Variants in ZNF521 observed in about 807,000 individuals in gnomAD.
The protein encoded by ZNF521 is zinc finger protein 521, also known as LYST-interacting protein 3.
ZNF521 carries 14 observed loss-of-function variants against 105.5 expected under a neutral mutation model. That is an observed-to-expected ratio of 0.13 (90% confidence interval 0.09 to 0.21). ZNF521 has a LOEUF of 0.21. ZNF521 is among the 10% of genes least tolerant of loss of function. ZNF521 has a pLI of 1.00. For missense variants in ZNF521, 1,233 were observed against 1,629.7 expected, an observed-to-expected ratio of 0.76 and a Z score of 4.19; for synonymous variants, 635 against 606.0, an observed-to-expected ratio of 1.05 and a Z score of -0.70.
At chr18:25,287,847 G>A (rs577512079) in intron 3 of ZNF521, among the ~76,000 whole-genome samples, 50 of 152,228 alleles carry the variant, frequency 3.3e-4, no homozygotes, top group African/African-American at 1.1e-3. Context: ...CTTCAGATTC[G>A]CAGATAAGTA....
At chr18:25,253,662 T>C (rs1372153279) in intron 3 of ZNF521, among the ~76,000 whole-genome samples, 1 of 152,160 alleles carries the variant, frequency 6.6e-6, no homozygotes, top group Non-Finnish European at 1.5e-5. Flanking sequence ...TTTGCTGATA[T>C]ACAATGGAGC....
intron 6 of ZNF521, among the ~76,000 whole-genome samples, chr18:25,091,259 T>G (rs1004597823): frequency 6.6e-6 from 1 of 152,172 alleles, no homozygotes; most frequent in African/African-American, 2.4e-5. Flanking sequence ...ACTTTGTCAT[T>G]GTTAGGGGAA....
chr18:25,248,433 A>G (rs1907878664), intron 3 of ZNF521, among the ~76,000 whole-genome samples: 1 of 152,222 alleles, frequency 6.6e-6, no homozygotes, highest in African/African-American at 2.4e-5. Flanking sequence ...CTGAATGTAT[A>G]TTATGATGTT....
chr18:25,283,162 G>A (rs1198800409), intron 3 of ZNF521, among the ~76,000 whole-genome samples: 2 of 152,182 alleles, frequency 1.3e-5, no homozygotes, highest in African/African-American at 4.8e-5. Context: ...ATATCAACAA[G>A]CACCTCCACT....
At chr18:25,080,361 T>C (rs915373782) in intron 7 of ZNF521, among the ~76,000 whole-genome samples, 1 of 152,194 alleles carries the variant, frequency 6.6e-6, no homozygotes, top group Non-Finnish European at 1.5e-5. Flanking sequence ...GCACTATTCA[T>C]CTCGCCGCCA....
At chr18:25,210,774 C>A (rs757420734) in intron 4 of ZNF521, among the ~76,000 whole-genome samples, 19 of 152,224 alleles carry the variant, frequency 1.2e-4, no homozygotes, top group Non-Finnish European at 2.6e-4. Context: ...CCAGCCTCTG[C>A]CCCTCTCTCC....
intron 3 of ZNF521, among the ~76,000 whole-genome samples, chr18:25,240,313 C>T (rs1907221634): frequency 6.6e-6 from 1 of 152,106 alleles, no homozygotes; most frequent in Non-Finnish European, 1.5e-5. Flanking sequence ...CCTCCCCACT[C>T]TTAGGTGACT....
At chr18:25,233,340 T>A (rs115036013) in intron 3 of ZNF521, among the ~76,000 whole-genome samples, 9,516 of 148,380 alleles carry the variant, frequency 0.064, 356 homozygotes, top group African/African-American at 0.11. Flanking sequence ...TGCTTCTTTT[T>A]AAAAAAAAAA....
intron 4 of ZNF521, among the ~76,000 whole-genome samples, chr18:25,196,266 T>C (rs1237258905): frequency 2.6e-5 from 4 of 151,696 alleles, no homozygotes; most frequent in Admixed American, 2.0e-4. Flanking sequence ...TAAAATCACA[T>C]AAATGACATT....
At chr18:25,157,020 G>A (rs1357264244) in intron 5 of ZNF521, among the ~76,000 whole-genome samples, 1 of 151,976 alleles carries the variant, frequency 6.6e-6, no homozygotes, top group Admixed American at 6.6e-5. Flanking sequence ...CCAACATGAC[G>A]AAAACCTGTC....
At chr18:25,214,449 A>G (rs894941232) in intron 4 of ZNF521, among the ~76,000 whole-genome samples, 9 of 151,740 alleles carry the variant, frequency 5.9e-5, no homozygotes, top group African/African-American at 2.2e-4. Context: ...CTTGTTGTTC[A>G]TTGTTTCTTT....
chr18:25,098,464 T>C (rs1454510596), intron 5 of ZNF521, among the ~76,000 whole-genome samples: 2 of 151,686 alleles, frequency 1.3e-5, no homozygotes, highest in Non-Finnish European at 2.9e-5. Context: ...AAAAAAAAAC[T>C]GCAAACACCA....
chr18:25,156,861 C>A (rs1344460865), intron 5 of ZNF521, among the ~76,000 whole-genome samples: 1 of 152,118 alleles, frequency 6.6e-6, no homozygotes, highest in Non-Finnish European at 1.5e-5. Flanking sequence ...AGACAGCAAA[C>A]CAATTTTTAG....
chr18:25,182,449 C>A (rs1303581255), intron 5 of ZNF521, among the ~76,000 whole-genome samples: 1 of 152,130 alleles, frequency 6.6e-6, no homozygotes, highest in Non-Finnish European at 1.5e-5. Context: ...ACTCTTGTAA[C>A]CTGAGGTCAA....
At chr18:25,079,715 T>C (rs2033450406) in intron 7 of ZNF521, among the ~76,000 whole-genome samples, 1 of 152,012 alleles carries the variant, frequency 6.6e-6, no homozygotes, top group Non-Finnish European at 1.5e-5. Context: ...TGGAGATGCA[T>C]TAACTCCACA....
intron 5 of ZNF521, among the ~76,000 whole-genome samples, chr18:25,186,100 G>A (rs1247363152): frequency 6.6e-6 from 1 of 152,164 alleles, no homozygotes; most frequent in Non-Finnish European, 1.5e-5. Context: ...GTAATTGAAA[G>A]TCTTACTTTT....
At chr18:25,315,906 G>A (rs1912584173) in intron 3 of ZNF521, 1 of 152,176 alleles carries the variant, frequency 6.6e-6, no homozygotes, top group Admixed American at 6.5e-5. Context: ...GAACTACCCT[G>A]AGTAACCCAC....
intron 5 of ZNF521, among the ~76,000 whole-genome samples, chr18:25,153,412 T>C (rs1180545451): frequency 6.6e-6 from 1 of 152,176 alleles, no homozygotes; most frequent in Non-Finnish European, 1.5e-5. Context: ...GGTACTGGGA[T>C]AATGAGAAGC....
intron 2 of ZNF521, among the ~76,000 whole-genome samples, chr18:25,335,371 C>T (rs1913814109): frequency 6.6e-6 from 1 of 152,130 alleles, no homozygotes; most frequent in African/African-American, 2.4e-5. Flanking sequence ...CTAGGGTCTT[C>T]CCTGCTCTAA....
Sources: gnomAD v4.1 joint callset for allele counts (sites outside exome capture counted in the v4.1 genomes callset) on GRCh38, gnomAD v4.1.1 for gene constraint, MANE v1.5 for transcripts, NCBI Gene and HGNC (gene_info 2026-07-23, HGNC 2026-07-21) for gene names.